The following FRMD4B variants were observed in gnomAD, a reference collection of about 807,000 sequenced individuals.
FRMD4B encodes FERM domain-containing protein 4B.
A neutral mutation model predicts 141.5 loss-of-function variants in FRMD4B; 74 were observed. The ratio of observed to expected loss-of-function variants is 0.52; its 90% CI spans 0.43 to 0.63. FRMD4B has a LOEUF of 0.63. Ranked by LOEUF, FRMD4B falls within the 30% of genes least tolerant of loss-of-function variation. The probability of loss-of-function intolerance (pLI) is 0.00; values close to 1 mark genes in which losing one functional copy is unlikely to be tolerated. For missense variants in FRMD4B, 1,366 were observed against 1,253.4 expected (o/e 1.09, Z -1.36); for synonymous variants, 506 against 467.9 (o/e 1.08, Z -1.05).
rs896635525 is a variant in FRMD4B, at chr3:69,171,045, T to C, written c.*816A>G. The stretch of plus-strand genomic sequence containing the variant: ...TCTGCCACTTCAAATGACAGCCGAG[T>C]TGGAGAATTAACAGCCAGAACAATA... On this transcript the variant is annotated 3_prime_UTR_variant, in exon 23 of 23. Transcript: ENST00000398540. The C allele has an allele frequency of 6.6e-6, 1 of 152,028 alleles. No homozygotes were observed. Among genetic ancestry groups the C allele is most frequent in the Non-Finnish European group, 1.5e-5 (1 of 68,004 alleles). 9.4% of individuals were successfully genotyped at this position (152,028 alleles called of 1,614,324 possible). A position where few individuals can be genotyped will look rare whatever the true frequency, so the allele number is the denominator to read the frequency against.
intron 1 of FRMD4B, among the ~76,000 whole-genome samples, chr3:69,440,827 T>C (rs1475997665): frequency 6.6e-6 from 1 of 152,182 alleles, no homozygotes; most frequent in Non-Finnish European, 1.5e-5. Flanking sequence ...AATTCTTGAA[T>C]ACTTACATTT....
At chr3:69,377,865 C>A (rs1201080883) in intron 1 of FRMD4B, among the ~76,000 whole-genome samples, 1 of 151,564 alleles carries the variant, frequency 6.6e-6, no homozygotes, top group Non-Finnish European at 1.5e-5. Flanking sequence ...GGCTGGAGTG[C>A]AATGACGTGA....
At chr3:69,228,242 T>C (rs2093273081) in intron 7 of FRMD4B, 2 of 434,418 alleles carry the variant, frequency 4.6e-6, no homozygotes, top group Non-Finnish European at 9.3e-6. Context: ...ATGATAAGAA[T>C]CCTGAAAATT....
At chr3:69,349,653 C>T (rs1427162880) in intron 1 of FRMD4B, among the ~76,000 whole-genome samples, 2 of 151,974 alleles carry the variant, frequency 1.3e-5, no homozygotes, top group Non-Finnish European at 2.9e-5. Context: ...AGAACAGAGC[C>T]CTCAGAAATA....
At chr3:69,424,455 C>G (rs1411292259) in intron 2 of FRMD4B, among the ~76,000 whole-genome samples, 2 of 152,108 alleles carry the variant, frequency 1.3e-5, no homozygotes, top group African/African-American at 4.8e-5. Context: ...CACAGCACAG[C>G]CAGGATTGTA....
intron 2 of FRMD4B, among the ~76,000 whole-genome samples, chr3:69,429,599 C>T (rs1487605536): frequency 6.6e-6 from 1 of 152,154 alleles, no homozygotes; most frequent in East Asian, 1.9e-4. Context: ...CTAAAACGTG[C>T]ACAACTATGA....
In FRMD4B at chr3:69,365,550, G is replaced by C. The variant is rs569290030; in HGVS notation, c.162+20278C>G. On this transcript the variant is annotated intron_variant, in intron 1 of 22. Coordinates refer to ENST00000398540, the MANE Select transcript of FRMD4B (RefSeq NM_015123.3). Reference sequence around the variant, plus strand: ...GATGGAGTCTTGCTCTGTTGCCCAGGCTGGGGTGCAGTGAAGCAATCTCGA... The same window carrying C: ...GATGGAGTCTTGCTCTGTTGCCCAGCCTGGGGTGCAGTGAAGCAATCTCGA... Among the ~76,000 whole-genome samples the C allele has an allele frequency of 9.9e-5, 15 of 151,196 alleles. No homozygotes were observed. The South Asian group carries it at 1.0e-3, about 11-fold the overall frequency.
At chr3:69,399,945 A>G (rs1704532343) in intron 2 of FRMD4B, among the ~76,000 whole-genome samples, 1 of 152,196 alleles carries the variant, frequency 6.6e-6, no homozygotes, top group African/African-American at 2.4e-5. Context: ...TTTGCCACTG[A>G]AAGTAATGAG....
chr3:69,379,580 G>A (rs1287689436), intron 1 of FRMD4B, among the ~76,000 whole-genome samples: 2 of 152,166 alleles, frequency 1.3e-5, no homozygotes, highest in African/African-American at 2.4e-5. Flanking sequence ...ACCCAGCCAC[G>A]CCTAGGTTTT....
intron 5 of FRMD4B, among the ~76,000 whole-genome samples, chr3:69,267,618 TATATATATATATATATATAG>T (rs2093571094): frequency 2.1e-4 from 12 of 56,662 alleles, no homozygotes; most frequent in African/African-American, 4.6e-4. Flanking sequence ...TATATATATA[TATATATATATATATATATAG>T]AGAGAGAGAG....
intron 3 of FRMD4B, among the ~76,000 whole-genome samples, chr3:69,305,877 C>T (rs573339646): frequency 6.6e-6 from 1 of 152,266 alleles, no homozygotes; most frequent in African/African-American, 2.4e-5. Flanking sequence ...ACCACAGATG[C>T]ACATTCAAAA....
intron 2 of FRMD4B, among the ~76,000 whole-genome samples, chr3:69,407,335 T>C (rs977384903): frequency 2.0e-5 from 3 of 152,162 alleles, no homozygotes; most frequent in Non-Finnish European, 4.4e-5. Context: ...GAGCGTTAGA[T>C]GGGACTTAGG....
intron 5 of FRMD4B, among the ~76,000 whole-genome samples, chr3:69,279,628 G>T (rs2093634159): frequency 6.6e-6 from 1 of 151,702 alleles, no homozygotes; most frequent in Admixed American, 6.6e-5. Flanking sequence ...CCCAGCTAAG[G>T]GTGAGCTCTT....
intron 1 of FRMD4B, among the ~76,000 whole-genome samples, chr3:69,531,720 G>T (rs1164575332): frequency 6.6e-6 from 1 of 152,138 alleles, no homozygotes; most frequent in East Asian, 1.9e-4. Context: ...TTTTCTCTGA[G>T]ATCCAAAAAA....
At chr3:69,454,147 A>C (rs915177969) in intron 1 of FRMD4B, among the ~76,000 whole-genome samples, 2 of 152,184 alleles carry the variant, frequency 1.3e-5, no homozygotes, top group Non-Finnish European at 2.9e-5. Context: ...AAGAAGGAGG[A>C]ATTTCTGAGT....
At chr3:69,455,274 A>G (rs1705576420) in intron 1 of FRMD4B, among the ~76,000 whole-genome samples, 1 of 152,364 alleles carries the variant, frequency 6.6e-6, no homozygotes, top group East Asian at 1.9e-4. Flanking sequence ...CAGCAGTGAT[A>G]GGTTCAGGTC....
rs776251585 is a variant in FRMD4B at position 69,385,903 on chromosome 3, C to G, written c.87G>C (p.Arg29=). The G allele has an allele frequency of 6.2e-7, 1 of 1,604,266 alleles. No individual in the cohort carries two copies. Among genetic ancestry groups the G allele is most frequent in the South Asian group, 1.1e-5 (1 of 88,628 alleles). The change falls in exon 1 of 23, where the codon CGG becomes CGC. Residue 29 remains arginine, a synonymous_variant. Transcript: ENST00000398540. ...FVWNLTVSTL[R]RWYTERLRAC... ...CCCGCAGCCTCTCCGTGTACCATCT[C>G]CGCAGCGTGGACACGGTCAAGTTCC...
chr3:69,248,481 G>A (rs1035356672), intron 7 of FRMD4B, among the ~76,000 whole-genome samples: 1 of 152,208 alleles, frequency 6.6e-6, no homozygotes, highest in Non-Finnish European at 1.5e-5. Flanking sequence ...ATTATTCAAA[G>A]ACTTGGCTGG....
At chr3:69,207,404 C>T (rs899152757) in intron 11 of FRMD4B, among the ~76,000 whole-genome samples, 12 of 151,748 alleles carry the variant, frequency 7.9e-5, no homozygotes, top group African/African-American at 2.9e-4. Context: ...GTACTAATTG[C>T]TTTTCTCTGC....
Sources: gnomAD v4.1 joint callset for allele counts (sites outside exome capture counted in the v4.1 genomes callset) on GRCh38, gnomAD v4.1.1 for gene constraint, MANE v1.5 for transcripts, NCBI Gene and HGNC (gene_info 2026-07-23, HGNC 2026-07-21) for gene names.